BANP: variants seen among roughly 807,000 people sequenced by gnomAD.
BANP encodes the protein protein BANP.
Under a neutral mutation model 68.1 loss-of-function variants are expected in BANP, and 11 were observed. That is an observed-to-expected ratio of 0.16 (90% CI 0.10 to 0.27). BANP has a LOEUF of 0.27. Among genes scored for constraint, BANP ranks in the 10% least tolerant of loss-of-function variants. The probability of loss-of-function intolerance (pLI) is 1.00; values close to 1 mark genes in which losing one functional copy is unlikely to be tolerated. For missense variants in BANP, 504 were observed against 722.7 expected, an observed-to-expected ratio of 0.70 and a Z score of 3.47; for synonymous variants, 329 against 303.2, an observed-to-expected ratio of 1.09 and a Z score of -0.88.
intron 6 of BANP, among the ~76,000 whole-genome samples, chr16:88,009,178 G>A (rs2072253097): frequency 6.6e-6 from 1 of 152,188 alleles, no homozygotes; most frequent in Non-Finnish European, 1.5e-5. Context: ...CCGAGAATGG[G>A]GCCAGCATCT....
At chr16:87,953,346 T>G (rs1010764108) in intron 1 of BANP, among the ~76,000 whole-genome samples, 2 of 152,240 alleles carry the variant, frequency 1.3e-5, no homozygotes, top group Admixed American at 6.5e-5. Flanking sequence ...TTTCTTTAGG[T>G]CATTCTCCAC....
At chr16:87,985,018 T>C (rs2064037923) in intron 4 of BANP, among the ~76,000 whole-genome samples, 1 of 152,022 alleles carries the variant, frequency 6.6e-6, no homozygotes, top group South Asian at 2.1e-4. Flanking sequence ...GGAGAGAGAA[T>C]GGTGGGACGG....
chr16:87,998,255 G>A (rs769144661), intron 4 of BANP, among the ~76,000 whole-genome samples: 1 of 152,214 alleles, frequency 6.6e-6, no homozygotes, highest in South Asian at 2.1e-4. Flanking sequence ...TAGTAAGGAC[G>A]TGGCAAAATA....
intron 1 of BANP, among the ~76,000 whole-genome samples, chr16:87,967,032 A>G (rs1336080962): frequency 6.6e-6 from 1 of 152,224 alleles, no homozygotes; most frequent in Non-Finnish European, 1.5e-5. Flanking sequence ...GGACAAGGCC[A>G]GAGGCCAGGG....
At chr16:88,009,489 T>C (rs2072354867) in intron 6 of BANP, among the ~76,000 whole-genome samples, 1 of 152,252 alleles carries the variant, frequency 6.6e-6, no homozygotes, top group Non-Finnish European at 1.5e-5. Flanking sequence ...TTGGAGTCAG[T>C]TTATTGTACT....
intron 4 of BANP, among the ~76,000 whole-genome samples, chr16:87,985,745 C>A (rs1387298782): frequency 2.0e-5 from 3 of 152,156 alleles, no homozygotes; most frequent in African/African-American, 7.2e-5. Context: ...GGGGGGCAGT[C>A]CCTGCAGACG....
At chr16:88,026,845 G>C (rs115887408) in intron 7 of BANP, among the ~76,000 whole-genome samples, 2,119 of 151,960 alleles carry the variant, frequency 0.014, 48 homozygotes, top group African/African-American at 0.045. Context: ...CTGAATTTTC[G>C]AAACTGTGTT....
intron 4 of BANP, among the ~76,000 whole-genome samples, chr16:87,987,418 A>G (rs1208101503): frequency 6.6e-6 from 1 of 152,076 alleles, no homozygotes; most frequent in Non-Finnish European, 1.5e-5. Flanking sequence ...AATGTGGTAT[A>G]TTTGAATGAC....
At chr16:88,007,009 A>G (rs2071419105) in intron 6 of BANP, among the ~76,000 whole-genome samples, 2 of 152,118 alleles carry the variant, frequency 1.3e-5, no homozygotes, top group Admixed American at 1.3e-4. Flanking sequence ...TAAAGGGAAA[A>G]TAACTGTGAT....
intron 1 of BANP, among the ~76,000 whole-genome samples, chr16:87,961,549 T>C (rs1049226478): frequency 1.3e-5 from 2 of 152,214 alleles, no homozygotes; most frequent in Non-Finnish European, 2.9e-5. Context: ...ACTCTAGTTG[T>C]TTTCAATTAA....
chr16:87,985,221 G>T (rs1287253241), intron 4 of BANP, among the ~76,000 whole-genome samples: 5 of 152,260 alleles, frequency 3.3e-5, no homozygotes, highest in Middle Eastern at 3.4e-3. Context: ...GGCCGAAGCA[G>T]TGGTGCCTCT....
chr16:88,055,873 T>C lies in BANP; in HGVS notation c.1312-9394T>C, dbSNP rs144820677. Among the ~76,000 whole-genome samples, 42 of 152,292 alleles carry C rather than the reference T, an allele frequency of 2.8e-4. No individual in the cohort carries two copies. The East Asian group carries it at 4.4e-3, about 16-fold the overall frequency. ...TGGAGACTCTCAGTGGTTTAGGGAA[T>C]TAATCTCTTATGGAGAAGCCTTCTC... On this transcript the variant is annotated intron_variant, in intron 11 of 13. Transcript: ENST00000682872.
chr16:87,986,538 C>A (rs1167512303), intron 4 of BANP, among the ~76,000 whole-genome samples: 2 of 150,334 alleles, frequency 1.3e-5, no homozygotes, highest in Non-Finnish European at 1.5e-5. Flanking sequence ...GGCCAAGTCA[C>A]GCATTCATTC....
rs562508661 is a variant in BANP, at chr16:88,003,837, A to G, written c.363-458A>G. 6.6e-6 allele frequency: 2 copies of G among 303,504 alleles called. No homozygotes were observed. Among genetic ancestry groups the G allele is most frequent in the Non-Finnish European group, 1.3e-5 (2 of 155,552 alleles). The allele number at this position is 303,504 out of a possible 1,614,324, so 18.8% of individuals were successfully genotyped here. A position where few individuals can be genotyped will look rare whatever the true frequency, so the allele number is the denominator to read the frequency against. On this transcript the variant is annotated intron_variant, in intron 4 of 13. Transcript: ENST00000682872. This position sits in a 1 kb window ranked among gnomAD's most constrained non-coding sequence, Gnocchi z 6.1. Reference sequence around the variant, plus strand: ...GCGCTACCGTTTTGGAATGATACCAACACTTACGTGGTTACGAACGTTAGA... The same window carrying G: ...GCGCTACCGTTTTGGAATGATACCAGCACTTACGTGGTTACGAACGTTAGA...
At chr16:87,950,870 CA>C (rs2056738832), upstream of BANP, 1 of 152,330 alleles carries the variant, frequency 6.6e-6, no homozygotes, top group African/African-American at 2.4e-5. Context: ...CCACTTATGT[CA>C]GGGAAAACGC....
chr16:88,046,842 A>T (rs2082130090), intron 11 of BANP, among the ~76,000 whole-genome samples: 3 of 152,004 alleles, frequency 2.0e-5, no homozygotes, highest in Admixed American at 2.0e-4. Flanking sequence ...CGAGGCGGGC[A>T]GATCACGAAG....
At chr16:87,987,444 C>A (rs766703300) in intron 4 of BANP, among the ~76,000 whole-genome samples, 4 of 152,002 alleles carry the variant, frequency 2.6e-5, no homozygotes, top group Non-Finnish European at 2.9e-5. Context: ...AAGAAGGAGG[C>A]TGGGTGCGAT....
intron 6 of BANP, among the ~76,000 whole-genome samples, chr16:88,017,562 CT>C (rs2074871561): frequency 6.6e-6 from 1 of 152,214 alleles, no homozygotes; most frequent in Non-Finnish European, 1.5e-5. Flanking sequence ...TCAGAGAAGA[CT>C]AGTGACTTGT....
At chr16:88,026,180 C>T (rs558339134) in intron 7 of BANP, among the ~76,000 whole-genome samples, 2 of 152,326 alleles carry the variant, frequency 1.3e-5, no homozygotes, top group African/African-American at 4.8e-5. Flanking sequence ...CAGGACAGTT[C>T]TCTGCGTGTG....
Sources: gnomAD v4.1 joint callset for allele counts (sites outside exome capture counted in the v4.1 genomes callset) on GRCh38, gnomAD v4.1.1 for gene constraint, Gnocchi (gnomAD v3.1) non-coding constraint, MANE v1.5 for transcripts, NCBI Gene and HGNC (gene_info 2026-07-23, HGNC 2026-07-21) for gene names.